The following CTDSPL2 variants were observed in gnomAD, a reference collection of about 807,000 sequenced individuals.
The protein encoded by CTDSPL2 is CTD small phosphatase like 2, also known as CTD small phosphatase-like protein 2.
In CTDSPL2, 5 loss-of-function variants were observed where a neutral mutation model predicts 60.0. The ratio of observed to expected loss-of-function variants is 0.08; its 90% CI spans 0.04 to 0.18. The LOEUF (loss-of-function observed/expected upper bound fraction) is 0.18. CTDSPL2 is among the 10% of genes least tolerant of loss of function. CTDSPL2 has a pLI of 1.00. For missense variants in CTDSPL2, 370 were observed against 548.8 expected (o/e 0.67, Z 3.26); for synonymous variants, 186 against 189.3 (o/e 0.98, Z 0.14).
chr15:44,519,358 A>G, intron 11 of CTDSPL2, 63 bp downstream of exon 11: 1 of 1,310,664 alleles, frequency 7.6e-7, no homozygotes, highest in East Asian at 2.6e-5. Flanking sequence ...ACATGCTGCC[A>G]AACAGAATAT....
At chr15:44,435,122 C>A (rs898865951) in intron 1 of CTDSPL2, among the ~76,000 whole-genome samples, 1 of 151,702 alleles carries the variant, frequency 6.6e-6, no homozygotes, top group Non-Finnish European at 1.5e-5. Flanking sequence ...TAGCTGGGCG[C>A]GGTGGTGTGC....
intron 2 of CTDSPL2, among the ~76,000 whole-genome samples, chr15:44,474,364 G>A (rs117649708): frequency 0.012 from 1,810 of 152,254 alleles, 42 homozygotes; most frequent in East Asian, 0.096. Context: ...GGTGGTACAC[G>A]CCTGTAGTCC....
At position 44,499,016 on chromosome 15, in the gene CTDSPL2, A is replaced by C. The variant is rs80126634; in HGVS notation, c.883-711A>C. Among the ~76,000 whole-genome samples, 12 of 152,342 alleles carry C rather than the reference A, an allele frequency of 7.9e-5. No individual in the cohort carries two copies. The South Asian group carries it at 2.5e-3, about 32-fold the overall frequency. On this transcript the variant is annotated intron_variant, in intron 7 of 12. Transcript: ENST00000260327. ...CACTTACATTTGCTGATTGTAAAAA[A>C]GTAGCATGCATGTGGGTTTAACTGA...
At chr15:44,460,318 C>T (rs2080540401) in intron 2 of CTDSPL2, among the ~76,000 whole-genome samples, 1 of 152,092 alleles carries the variant, frequency 6.6e-6, no homozygotes, top group Admixed American at 6.6e-5. Flanking sequence ...CTATGTTGGC[C>T]TGGATGGTCT....
intron 3 of CTDSPL2, 126 bp downstream of exon 3, chr15:44,484,488 A>G (rs562620490): frequency 8.8e-6 from 8 of 910,032 alleles, no homozygotes; most frequent in African/African-American, 6.8e-5. Context: ...TAATCCTCAC[A>G]TTTTGGGAGG....
rs530291755 is a variant in CTDSPL2 at position 44,439,394 on chromosome 15, G to GC, written c.-25+11629dup. Among the ~76,000 whole-genome samples, 100 of 151,890 alleles carry GC rather than the reference G, an allele frequency of 6.6e-4. 1 individual carries two copies. Among genetic ancestry groups the GC allele is most frequent in the African/African-American group, 2.1e-3 (87 of 41,466 alleles). On this transcript the variant is annotated intron_variant, in intron 1 of 12. Transcript: ENST00000260327. ...GAACTCCTGACCTTGTGATCTGCCTGCCCCCCCATCCCCAGCCGGCCTCCC... is the reference window on the plus strand; with the variant it reads ...GAACTCCTGACCTTGTGATCTGCCTGCCCCCCCCATCCCCAGCCGGCCTCCC...
intron 2 of CTDSPL2, 23 bp from the exon 3 acceptor site, chr15:44,484,201 T>C: frequency 6.3e-7 from 1 of 1,580,884 alleles, no homozygotes; most frequent in Non-Finnish European, 8.6e-7. Flanking sequence ...CTTAGTGTGT[T>C]TTTTTTTCTC....
intron 1 of CTDSPL2, among the ~76,000 whole-genome samples, chr15:44,446,931 T>G (rs1042376164): frequency 6.6e-6 from 1 of 151,750 alleles, no homozygotes; most frequent in African/African-American, 2.4e-5. Context: ...ATTTTTGTAT[T>G]TTTAGTAGAG....
chr15:44,496,403 T>A lies in CTDSPL2; in HGVS notation c.715T>A (p.Tyr239Asn). Residue 239 changes from tyrosine to asparagine, a missense_variant, in exon 6 of 13, where the codon TAT (tyrosine) becomes AAT (asparagine). Transcript: ENST00000260327. ...LTAPVTPDSG[Y>N]SSAHAEATYE... ...AGCACCAGTAACTCCAGATAGTGGT[T>A]ATTCATCAGCCCACGCGGAGGCCAC... The A allele has an allele frequency of 6.2e-7, 1 of 1,613,740 alleles. No homozygotes were observed. Among genetic ancestry groups the A allele is most frequent in the Non-Finnish European group, 8.5e-7 (1 of 1,179,710 alleles).
intron 1 of CTDSPL2, among the ~76,000 whole-genome samples, chr15:44,436,044 G>C (rs987368458): frequency 6.6e-6 from 1 of 152,134 alleles, no homozygotes; most frequent in Admixed American, 6.5e-5. Context: ...TATGGAAGTA[G>C]TGGAGAGTAA....
intron 6 of CTDSPL2, 74 bp from the exon 7 acceptor site, chr15:44,496,953 A>G (rs2081311192): frequency 1.3e-6 from 1 of 760,996 alleles, no homozygotes. Context: ...AGATTTTTAA[A>G]TGGGCTGAGC....
chr15:44,515,379 G>C (rs1382609679), intron 10 of CTDSPL2, among the ~76,000 whole-genome samples: 1 of 152,106 alleles, frequency 6.6e-6, no homozygotes, highest in Non-Finnish European at 1.5e-5. Flanking sequence ...TGTGTGCCCT[G>C]AGCCAGCAGA....
intron 2 of CTDSPL2, among the ~76,000 whole-genome samples, chr15:44,481,924 A>G (rs3784566): frequency 0.018 from 2,689 of 152,306 alleles, 94 homozygotes; most frequent in East Asian, 0.13. Context: ...TTCTCTCTCC[A>G]GAGAGGTGCA....
rs368279134 is a variant in CTDSPL2 at position 44,463,522 on chromosome 15, A to T, written c.186+4322A>T. Among the ~76,000 whole-genome samples the T allele has an allele frequency of 3.8e-4, 58 of 152,356 alleles. 1 individual carries two copies. In the East Asian group the frequency reaches 8.1e-3, roughly 21 times the overall value. On this transcript the variant is annotated intron_variant, in intron 2 of 12. Transcript: ENST00000260327. ...ACTTTATTGTGCTGTAACTGAACTCAGATTTTAAAAATCATATTCTATAAG... is the reference window on the plus strand; with the variant it reads ...ACTTTATTGTGCTGTAACTGAACTCTGATTTTAAAAATCATATTCTATAAG...
rs1595789416 is a variant in CTDSPL2, at chr15:44,525,432, C to T, written c.*1258C>T. The stretch of plus-strand genomic sequence containing the variant: ...GGCGTGTAATCTCCTTTTCGGGAGG[C>T]TTTTTATGGAAGGTAGAATTTGTAA... On this transcript the variant is annotated 3_prime_UTR_variant, in exon 13 of 13. Transcript: ENST00000260327. 5.0e-6 allele frequency: 2 copies of T among 398,840 alleles called. No homozygotes were observed. Among genetic ancestry groups the T allele is most frequent in the East Asian group, 7.1e-5 (2 of 28,068 alleles). The allele number at this position is 398,840 out of a possible 1,614,324, so 24.7% of individuals were successfully genotyped here.
At chr15:44,455,709 A>G (rs1364157786) in intron 1 of CTDSPL2, among the ~76,000 whole-genome samples, 1 of 152,128 alleles carries the variant, frequency 6.6e-6, no homozygotes, top group East Asian at 1.9e-4. Context: ...TTCTGTTTAT[A>G]TGCTGGATTA....
At chr15:44,500,380 T>C (rs1327560680) in intron 8 of CTDSPL2, among the ~76,000 whole-genome samples, 1 of 152,156 alleles carries the variant, frequency 6.6e-6, no homozygotes, top group African/African-American at 2.4e-5. Context: ...ACAAATATCA[T>C]TAACATTTCA....
chr15:44,473,587 G>A (rs770892738), intron 2 of CTDSPL2, among the ~76,000 whole-genome samples: 3 of 152,110 alleles, frequency 2.0e-5, no homozygotes, highest in African/African-American at 4.8e-5. Flanking sequence ...GAACCACTGC[G>A]CCCAGCCGTA....
intron 3 of CTDSPL2, among the ~76,000 whole-genome samples, chr15:44,485,203 T>C (rs1163011567): frequency 6.6e-6 from 1 of 152,216 alleles, no homozygotes; most frequent in Non-Finnish European, 1.5e-5. Context: ...AGGACAGCTC[T>C]TCAAAACAAA....
Sources: allele counts gnomAD v4.1 joint callset (sites outside exome capture counted in the v4.1 genomes callset), GRCh38; gene constraint gnomAD v4.1.1; transcripts MANE v1.5; gene names NCBI Gene and HGNC (gene_info 2026-07-23, HGNC 2026-07-21).